N4BP2L1: variants seen among roughly 807,000 people sequenced by gnomAD.
The protein encoded by N4BP2L1 is NEDD4 binding protein 2 like 1, also known as NEDD4-binding protein 2-like 1.
In N4BP2L1, 12 loss-of-function variants were observed where a neutral mutation model predicts 21.2. The observed-to-expected ratio is 0.57, with a 90% CI of 0.36 to 0.92. N4BP2L1 has a LOEUF of 0.92. N4BP2L1 is among the 40% of genes least tolerant of loss of function. The pLI, the probability that N4BP2L1 is intolerant of heterozygous loss-of-function variation, is 0.01. For synonymous variants in N4BP2L1, 104 were observed against 112.8 expected (o/e 0.92, Z 0.49); for missense variants, 259 against 310.6 (o/e 0.83, Z 1.25).
In N4BP2L1 at chr13:32,407,763, C is replaced by T. The variant is rs1005189448; in HGVS notation, c.189G>A (p.Gln63=). 2 of 1,590,566 alleles carry T rather than the reference C, an allele frequency of 1.3e-6. No individual in the cohort carries two copies. The highest frequency in any genetic ancestry group is 2.7e-5 in the African/African-American group (2 of 73,556). Reference sequence around the variant, plus strand: ...AAATCAGGGCCCTGGGAAAGTCATGCTGCAATTGTCTGGAAAGTGGAGAAA... The same window carrying T: ...AAATCAGGGCCCTGGGAAAGTCATGTTGCAATTGTCTGGAAAGTGGAGAAA... ...SGKTTLARQL[Q]HDFPRALIFS... is the part of the protein sequence containing the mutation. The change falls in exon 2 of 5, where the codon CAG becomes CAA. Residue 63 remains glutamine, a synonymous_variant. Coordinates refer to ENST00000380130, the MANE Select transcript of N4BP2L1 (RefSeq NM_052818.3).
At chr13:32,421,228 AAGC>A (rs2074459421) in intron 1 of N4BP2L1, among the ~76,000 whole-genome samples, 1 of 152,256 alleles carries the variant, frequency 6.6e-6, no homozygotes, top group Non-Finnish European at 1.5e-5. Flanking sequence ...ATATCTCATG[AAGC>A]TTACGTTCTA....
intron 1 of N4BP2L1, among the ~76,000 whole-genome samples, chr13:32,426,274 A>T (rs1035465847): frequency 6.6e-6 from 1 of 152,198 alleles, no homozygotes; most frequent in African/African-American, 2.4e-5. Context: ...CAGGCCACAG[A>T]TCAGCAAAGC....
chr13:32,423,774 G>A (rs1028563699), intron 1 of N4BP2L1, among the ~76,000 whole-genome samples: 2 of 152,194 alleles, frequency 1.3e-5, no homozygotes, highest in Non-Finnish European at 2.9e-5. Context: ...ACCCGGGGTC[G>A]GGGGAGTGGG....
In N4BP2L1 at chr13:32,402,506, G is replaced by A; in HGVS notation, c.*436C>T. 7 of 275,868 alleles carry A rather than the reference G, an allele frequency of 2.5e-5. No homozygotes were observed. Among genetic ancestry groups the A allele is most frequent in the Non-Finnish European group, 3.0e-5 (7 of 232,624 alleles). 17.1% of individuals were successfully genotyped at this position (275,868 alleles called of 1,614,324 possible). ...ATTATCAAAGTAGCAATGGCACTTT[G>A]ATAAGTAGCAATGCCCCCCCACCAC... On this transcript the variant is annotated 3_prime_UTR_variant, in exon 5 of 5. Coordinates refer to ENST00000380130, the MANE Select transcript of N4BP2L1 (RefSeq NM_052818.3).
chr13:32,420,175 G>A (rs2074394717), intron 1 of N4BP2L1, among the ~76,000 whole-genome samples: 1 of 152,234 alleles, frequency 6.6e-6, no homozygotes, highest in African/African-American at 2.4e-5. Context: ...TGTTCATGAG[G>A]TCCAAAGCCA....
intron 3 of N4BP2L1, chr13:32,406,752 G>A (rs1341595676): frequency 6.5e-6 from 1 of 154,470 alleles, no homozygotes; most frequent in African/African-American, 2.4e-5. Flanking sequence ...TTACAGGCGT[G>A]AGCCACCACA....
intron 3 of N4BP2L1, among the ~76,000 whole-genome samples, chr13:32,405,179 GGAT>G (rs1290875213): frequency 3.3e-5 from 5 of 152,078 alleles, no homozygotes; most frequent in Non-Finnish European, 4.4e-5. Context: ...TAATAGCTGA[GGAT>G]GGCTGAAAAA....
intron 1 of N4BP2L1, among the ~76,000 whole-genome samples, chr13:32,415,083 C>T (rs1210621586): frequency 6.6e-6 from 1 of 152,200 alleles, no homozygotes; most frequent in Non-Finnish European, 1.5e-5. Context: ...ATTAAAATGT[C>T]TATATCTTGT....
intron 3 of N4BP2L1, 117 bp downstream of exon 3, chr13:32,407,133 G>T: frequency 9.5e-7 from 1 of 1,055,172 alleles, no homozygotes. Context: ...CTCCCTGGGA[G>T]AACCACTGTT....
At chr13:32,405,891 CCT>C (rs1491097332) in intron 3 of N4BP2L1, among the ~76,000 whole-genome samples, 11 of 134,258 alleles carry the variant, frequency 8.2e-5, no homozygotes, top group African/African-American at 3.1e-4. Flanking sequence ...CTTCCTGCCC[CCT>C]TTTTTTTTTT....
chr13:32,419,974 C>T (rs1329377864), intron 1 of N4BP2L1, among the ~76,000 whole-genome samples: 1 of 152,182 alleles, frequency 6.6e-6, no homozygotes, highest in Non-Finnish European at 1.5e-5. Context: ...CCCCTGAGGC[C>T]AGGTGTGGCC....
Position 32,402,350 on chromosome 13 carries a change from TAAAG to T in N4BP2L1, c.*588_*591del, listed in dbSNP as rs113705900. The T allele has an allele frequency of 1.3e-4, 78 of 618,310 alleles. No homozygotes were observed. The highest frequency in any genetic ancestry group is 1.4e-4 in the Non-Finnish European group (67 of 495,070). 38.3% of individuals were successfully genotyped at this position (618,310 alleles called of 1,614,324 possible). A position where few individuals can be genotyped will look rare whatever the true frequency, so the allele number is the denominator to read the frequency against. On this transcript the variant is annotated 3_prime_UTR_variant, in exon 5 of 5. Transcript: ENST00000380130. ...TTTTAACAATGATACATCATTAAAA[TAAAG>T]AAATAACTTCCCAAAGTGTCTACTT... is the stretch of plus-strand genomic sequence containing the variant.
Position 32,427,974 on chromosome 13 carries a change from G to C in N4BP2L1, c.109C>G (p.Arg37Gly). The change falls in exon 1 of 5, where the codon CGC becomes GGC. Residue 37 changes from arginine to glycine, a missense_variant. Transcript: ENST00000380130. ...RPPPRGTPPR[R>G]HSFRKHLYLL... is the part of the protein sequence containing the mutation. ...TAGAGGTGTTTCCTAAAGCTGTGGC[G>C]GCGAGGAGGTGTCCCCCGCGGGGGC... 1 of 1,547,878 alleles carries C rather than the reference G, an allele frequency of 6.5e-7. No homozygotes were observed.
chr13:32,405,892 C>CTTTTT (rs754694153), intron 3 of N4BP2L1, among the ~76,000 whole-genome samples: 4 of 101,192 alleles, frequency 4.0e-5, no homozygotes, highest in Admixed American at 1.1e-4. Context: ...TTCCTGCCCC[C>CTTTTT]TTTTTTTTTT....
At chr13:32,417,639 A>T (rs2074224747) in intron 1 of N4BP2L1, among the ~76,000 whole-genome samples, 1 of 152,190 alleles carries the variant, frequency 6.6e-6, no homozygotes, top group Non-Finnish European at 1.5e-5. Flanking sequence ...GCAACTTTGG[A>T]ACTGGGTAAC....
In N4BP2L1 at chr13:32,404,333, T is replaced by C. The variant is rs373017254; in HGVS notation, c.461A>G (p.Gln154Arg). The stretch of plus-strand genomic sequence containing the variant: ...AACAAAGAAGTACCTTGCTAACTCT[T>C]GAACGTTGAATTTCCAGCGAGTGTC... The part of the protein sequence containing the change: ...EPDTRWKFNV[Q>R]ELARRNIHGV... Residue 154 changes from glutamine to arginine, a missense_variant, in exon 4 of 5, where the codon CAA becomes CGA. By Grantham distance (43) the Gln-to-Arg change is conservative. Transcript: ENST00000380130. 8.7e-6 allele frequency: 14 copies of C among 1,613,762 alleles called. No homozygotes were observed. Among genetic ancestry groups the C allele is most frequent in the Non-Finnish European group, 1.2e-5 (14 of 1,179,740 alleles).
At chr13:32,423,663 T>C (rs905092011) in intron 1 of N4BP2L1, among the ~76,000 whole-genome samples, 4 of 152,130 alleles carry the variant, frequency 2.6e-5, no homozygotes, top group African/African-American at 7.2e-5. Context: ...TTAAGCTACA[T>C]GAAATTTAGC....
In N4BP2L1 at chr13:32,407,755, A is replaced by G; in HGVS notation, c.197T>C (p.Phe66Ser). The change falls in exon 2 of 5, where the codon TTT becomes TCT. Residue 66 changes from phenylalanine (F) to serine (S), a missense_variant. By Grantham distance (155) the Phe-to-Ser change is radical. Transcript: ENST00000380130. ...CGTGCTGAAAATCAGGGCCCTGGGA[A>G]AGTCATGCTGCAATTGTCTGGAAAG... ...TTLARQLQHD[F>S]PRALIFSTDD... is the part of the protein sequence containing the mutation. The G allele has an allele frequency of 1.2e-6, 2 of 1,600,698 alleles. No individual in the cohort carries two copies. The highest frequency in any genetic ancestry group is 8.5e-7 in the Non-Finnish European group (1 of 1,174,408).
At position 32,402,906 on chromosome 13, in the gene N4BP2L1, A is replaced by C; in HGVS notation, c.*36T>G. On this transcript the variant is annotated 3_prime_UTR_variant, in exon 5 of 5. Coordinates refer to ENST00000380130, the MANE Select transcript of N4BP2L1 (RefSeq NM_052818.3). Reference sequence around the variant, plus strand: ...ATAACAAAAACTGAAGTAGAAACTGACTTAGGAAAATTCTGCCTGGCTGTA... The same window carrying C: ...ATAACAAAAACTGAAGTAGAAACTGCCTTAGGAAAATTCTGCCTGGCTGTA... 1 of 1,522,508 alleles carries C rather than the reference A, an allele frequency of 6.6e-7. No individual in the cohort carries two copies. The highest frequency in any genetic ancestry group is 8.8e-7 in the Non-Finnish European group (1 of 1,133,774). 94.3% of individuals were successfully genotyped at this position (1,522,508 alleles called of 1,614,324 possible). A position where few individuals can be genotyped will look rare whatever the true frequency, so the allele number is the denominator to read the frequency against.
Sources: gnomAD v4.1 joint callset for allele counts (sites outside exome capture counted in the v4.1 genomes callset) on GRCh38, gnomAD v4.1.1 for gene constraint, MANE v1.5 for transcripts, NCBI Gene and HGNC (gene_info 2026-07-23, HGNC 2026-07-21) for gene names.